ANKS1A: variants seen among roughly 807,000 people sequenced by gnomAD.
ANKS1A encodes the protein ankyrin repeat and SAM domain-containing protein 1A.
Under a neutral mutation model 120.3 loss-of-function variants are expected in ANKS1A, and 55 were observed. The observed-to-expected ratio is 0.46, with a 90% CI of 0.37 to 0.57. ANKS1A has a LOEUF of 0.57. Ranked by LOEUF, ANKS1A falls within the 20% of genes least tolerant of loss-of-function variation. The pLI is 0.00. For missense variants in ANKS1A, 1,123 were observed against 1,480.3 expected (o/e 0.76, Z 3.96); for synonymous variants, 590 against 604.7 (o/e 0.98, Z 0.36).
intron 2 of ANKS1A, among the ~76,000 whole-genome samples, chr6:34,968,583 G>A (rs911674834): frequency 6.6e-5 from 10 of 151,824 alleles, no homozygotes; most frequent in African/African-American, 1.7e-4. Flanking sequence ...GATTACAGGC[G>A]CCCGCCACCA....
At chr6:35,097,656 A>C in the ANKS1A span, among the ~76,000 whole-genome samples, 2 of 146,098 alleles carry the variant, frequency 1.4e-5, no homozygotes, top group East Asian at 1.9e-4. Flanking sequence ...AAAAAAAAAA[A>C]AACACATACA....
chr6:34,985,532 C>T (rs1444471325), intron 8 of ANKS1A, among the ~76,000 whole-genome samples: 1 of 152,174 alleles, frequency 6.6e-6, no homozygotes, highest in Non-Finnish European at 1.5e-5. Context: ...CTTTACGTGA[C>T]TTCATTGGCC....
intron 8 of ANKS1A, 122 bp from the exon 9 acceptor site, chr6:34,989,102 A>T: frequency 1.3e-6 from 1 of 741,636 alleles, no homozygotes; most frequent in Non-Finnish European, 2.2e-6. Flanking sequence ...CCTTGACTTT[A>T]GTCTCTCAGG....
chr6:35,070,484 CTTTTTTTTT>C (rs869249276), intron 13 of ANKS1A, among the ~76,000 whole-genome samples: 30 of 62,970 alleles, frequency 4.8e-4, no homozygotes, highest in African/African-American at 1.7e-3. Flanking sequence ...AAGCCTTTAT[CTTTTTTTTT>C]TTTTTTTTTT....
intron 1 of ANKS1A, among the ~76,000 whole-genome samples, chr6:34,932,594 A>C (rs1031427223): frequency 3.9e-5 from 6 of 152,244 alleles, no homozygotes; most frequent in African/African-American, 1.4e-4. Flanking sequence ...CATGTTGGCC[A>C]GGCTGGTCTT....
chr6:35,047,008 T>C (rs923347079), intron 11 of ANKS1A, among the ~76,000 whole-genome samples: 3 of 152,232 alleles, frequency 2.0e-5, no homozygotes, highest in Non-Finnish European at 2.9e-5. Context: ...CAGCATGTGC[T>C]CTTTTGTATG....
intron 1 of ANKS1A, among the ~76,000 whole-genome samples, chr6:34,913,719 C>T (rs1002876921): frequency 7.2e-5 from 11 of 152,026 alleles, no homozygotes; most frequent in Admixed American, 3.3e-4. Flanking sequence ...TCATAACCTC[C>T]GCCTCCCTGG....
At chr6:34,944,762 A>G (rs1769703737) in intron 1 of ANKS1A, among the ~76,000 whole-genome samples, 1 of 152,212 alleles carries the variant, frequency 6.6e-6, no homozygotes, top group Admixed American at 6.5e-5. Context: ...TCTGCATGAA[A>G]GTGAATCCAT....
chr6:34,979,477 A>G (rs35301716), intron 3 of ANKS1A, among the ~76,000 whole-genome samples: 2,337 of 152,336 alleles, frequency 0.015, 35 homozygotes, highest in Non-Finnish European at 0.025. Flanking sequence ...ACCATTTTTA[A>G]CATGAGGCAG....
intron 11 of ANKS1A, among the ~76,000 whole-genome samples, chr6:35,033,787 C>G (rs1365379758): frequency 1.3e-5 from 2 of 152,204 alleles, no homozygotes; most frequent in Non-Finnish European, 2.9e-5. Context: ...GGTCCTCATG[C>G]AGAGATGCAT....
intron 1 of ANKS1A, among the ~76,000 whole-genome samples, chr6:34,890,617 G>A (rs887607296): frequency 2.0e-5 from 3 of 152,200 alleles, no homozygotes; most frequent in Non-Finnish European, 4.4e-5. Context: ...TCCAAGGTCT[G>A]TTGTTAAACG....
chr6:35,079,559 C>T lies in ANKS1A; in HGVS notation c.2327C>T (p.Pro776Leu). Residue 776 changes from proline (P) to leucine (L), a missense_variant, in exon 15 of 24, where the codon CCC (proline) becomes CTC (leucine). This residue lies in a region of ANKS1A where 904 missense variants were observed against 1,130.4 expected (regional missense o/e 0.80). Coordinates refer to ENST00000360359, the MANE Select transcript of ANKS1A (RefSeq NM_015245.3). ...GACGGGAACAGCCCCCCTAGCGTGC[C>T]CTCCTGGCTGGACTCCCTGGGGCTG... is the stretch of plus-strand genomic sequence containing the variant. ...GYDGNSPPSV[P>L]SWLDSLGLQD... 1.2e-6 allele frequency: 2 copies of T among 1,614,068 alleles called. No individual in the cohort carries two copies. The highest frequency in any genetic ancestry group is 1.7e-6 in the Non-Finnish European group (2 of 1,179,952).
chr6:35,039,620 C>T (rs1480671486), intron 11 of ANKS1A: 3 of 456,758 alleles, frequency 6.6e-6, no homozygotes, highest in Admixed American at 2.3e-5. Flanking sequence ...GCTACTGCCA[C>T]GTGCGTCCCT....
Position 34,998,724 on chromosome 6 carries a change from C to T in ANKS1A, c.1423+4302C>T, listed in dbSNP as rs544826409. ...TTAAAAGGGACAGGAATTGCTCACT[C>T]GGGGAGCTCGGATTTTAAGACACTA... On this transcript the variant is annotated intron_variant, in intron 10 of 23. Transcript: ENST00000360359. Among the ~76,000 whole-genome samples, 7 of 152,238 alleles carry T rather than the reference C, an allele frequency of 4.6e-5. No homozygotes were observed. In the East Asian group the frequency reaches 1.2e-3, roughly 25 times the overall value.
chr6:35,037,441 G>A (rs1015023963), intron 11 of ANKS1A, among the ~76,000 whole-genome samples: 18 of 152,178 alleles, frequency 1.2e-4, no homozygotes, highest in Admixed American at 4.6e-4. Flanking sequence ...TAGCTTATTT[G>A]GGAGGTGATC....
chr6:35,070,705 C>T (rs1246647405), intron 13 of ANKS1A, among the ~76,000 whole-genome samples: 1 of 151,952 alleles, frequency 6.6e-6, no homozygotes, highest in East Asian at 1.9e-4. Flanking sequence ...TGGATGGTCT[C>T]AATCTCCTGA....
rs1774126389 is a variant in ANKS1A at position 35,017,902 on chromosome 6, A to C, written c.1853A>C (p.Lys618Thr). The C allele has an allele frequency of 2.5e-6, 4 of 1,614,084 alleles. No homozygotes were observed. Among genetic ancestry groups the C allele is most frequent in the Non-Finnish European group, 3.4e-6 (4 of 1,180,028 alleles). ...ACTAGCAAACCCAAAGCTGAACTCA[A>C]ACTCAGCCGCAGCTTGTCCAAGTCT... ...PPTSKPKAEL[K>T]LSRSLSKSDS... The change falls in exon 11 of 24, where the codon AAA (lysine) becomes ACA (threonine). Residue 618 changes from lysine (K) to threonine (T), a missense_variant. Physicochemically the swap from Lys to Thr is moderately conservative, Grantham distance 78 (BLOSUM62 -1). Around this residue, in one of 3 missense-constraint regions of ANKS1A, gnomAD observed 904 missense variants for 1,130.4 expected, o/e 0.80. Coordinates refer to ENST00000360359, the MANE Select transcript of ANKS1A (RefSeq NM_015245.3).
At chr6:34,978,436 C>T (rs1771721510) in intron 3 of ANKS1A, among the ~76,000 whole-genome samples, 1 of 152,120 alleles carries the variant, frequency 6.6e-6, no homozygotes, top group South Asian at 2.1e-4. Context: ...GGAAACATTC[C>T]AGATGATCAG....
intron 1 of ANKS1A, among the ~76,000 whole-genome samples, chr6:34,965,207 C>A (rs968885500): frequency 6.6e-6 from 1 of 152,060 alleles, no homozygotes; most frequent in Non-Finnish European, 1.5e-5. Flanking sequence ...ATAGTATTTA[C>A]AATTTTGTTT....
Sources: allele counts gnomAD v4.1 joint callset (sites outside exome capture counted in the v4.1 genomes callset), GRCh38; gene constraint gnomAD v4.1.1; regional missense constraint gnomAD v4.1.1; transcripts MANE v1.5; gene names NCBI Gene and HGNC (gene_info 2026-07-23, HGNC 2026-07-21).